Variants in RAB40A observed in about 807,000 individuals in gnomAD.
The protein encoded by RAB40A is ras-related protein Rab-40A.
For synonymous variants in RAB40A, 65 were observed against 99.9 expected, an observed-to-expected ratio of 0.65 and a Z score of 2.08; for missense variants, 145 against 230.2, an observed-to-expected ratio of 0.63 and a Z score of 2.40.
At chrX:103,517,970 C>T (rs1321557151) in intron 1 of RAB40A, among the ~76,000 whole-genome samples, 1 of 111,892 alleles carries the variant, frequency 8.9e-6, no homozygotes, top group Non-Finnish European at 1.9e-5. Context: ...TGTCCCATAC[C>T]ATACCCACTG....
downstream of RAB40A, among the ~76,000 whole-genome samples, chrX:103,496,611 C>A (rs1569370993): frequency 8.9e-6 from 1 of 112,458 alleles, no homozygotes; most frequent in Non-Finnish European, 1.9e-5. Flanking sequence ...AGAAATAAAA[C>A]AATAAACAGA....
chrX:103,519,079 C>A (rs1603138868), intron 1 of RAB40A, among the ~76,000 whole-genome samples: 1 of 111,724 alleles, frequency 9.0e-6, no homozygotes, highest in Non-Finnish European at 1.9e-5. Flanking sequence ...CAATTAGACA[C>A]AATGAGCCCC....
At chrX:103,519,142 A>C (rs760687273) in intron 1 of RAB40A, among the ~76,000 whole-genome samples, 2 of 111,628 alleles carry the variant, frequency 1.8e-5, no homozygotes, top group Admixed American at 9.6e-5. Context: ...CTTCTGACCA[A>C]AACAAATCTA....
chrX:103,515,202 T>C (rs1165464279), intron 2 of RAB40A, among the ~76,000 whole-genome samples: 1 of 112,532 alleles, frequency 8.9e-6, no homozygotes, highest in African/African-American at 3.2e-5. Context: ...TACTCATCTT[T>C]ATGCTCTTTT....
Position 103,500,227 on chromosome X carries a change from C to A in RAB40A, c.530G>T (p.Arg177Leu). 3 of 1,211,052 alleles carry A rather than the reference C, an allele frequency of 2.5e-6. No homozygotes were observed. The highest frequency in any genetic ancestry group is 2.2e-6 in the Non-Finnish European group (2 of 894,983). Residue 177 changes from arginine (R) to leucine (L), a missense_variant, in exon 3 of 3, where the codon CGG becomes CTG. Arg to Leu is a moderately radical substitution (Grantham distance 102). Coordinates refer to ENST00000304236, the MANE Select transcript of RAB40A (RefSeq NM_080879.3). Reference protein sequence around the residue: ...FTELARIVLLRHRMNWLGRPS... With the variant: ...FTELARIVLLLHRMNWLGRPS... ...CCTCCCGAGCCAATTCATCCTGTGC[C>A]GCAGCAGCACTATCCTGGCCAGCTC...
At chrX:103,501,143 A>G (rs1444397994) in intron 2 of RAB40A, 6 of 169,096 alleles carry the variant, frequency 3.5e-5, no homozygotes, top group Middle Eastern at 2.3e-3. Context: ...TACTGTACGT[A>G]CCCTATGCTG....
chrX:103,498,293 G>A (rs1316149310), downstream of RAB40A, among the ~76,000 whole-genome samples: 2 of 112,169 alleles, frequency 1.8e-5, no homozygotes, highest in Non-Finnish European at 3.8e-5. Context: ...CTGCGGACTC[G>A]TTTCTAAAGC....
chrX:103,494,968 A>G (rs888435245), downstream of RAB40A, among the ~76,000 whole-genome samples: 1 of 111,931 alleles, frequency 8.9e-6, no homozygotes, highest in Non-Finnish European at 1.9e-5. Flanking sequence ...TGGTATTTTG[A>G]TAGGGATTGT....
chrX:103,509,313 C>CTCTCTCTCTCTG (rs2073274070), intron 2 of RAB40A, among the ~76,000 whole-genome samples: 1 of 99,372 alleles, frequency 1.0e-5, no homozygotes, highest in Non-Finnish European at 1.9e-5. Context: ...CTCTCTCTCT[C>CTCTCTCTCTCTG]TCTCTCTGTC....
In RAB40A at chrX:103,500,703, C is replaced by T. The variant is rs758514397; in HGVS notation, c.54G>A (p.Leu18=). Residue 18 remains leucine (L), a synonymous_variant, in exon 3 of 3, where the codon CTG becomes CTA. Transcript: ENST00000304236. ...TGCCTACGTCCCTGTCGCCCACCAG[C>T]AGGAACTTGAGCAGGAAGTCATAGG... ...DQAYDFLLKF[L]LVGDRDVGKS... 10 of 1,209,278 alleles carry T rather than the reference C, an allele frequency of 8.3e-6. No homozygotes were observed. The highest frequency in any genetic ancestry group is 1.1e-5 in the Non-Finnish European group (10 of 895,039).
intron 2 of RAB40A, among the ~76,000 whole-genome samples, chrX:103,512,780 T>A (rs2073297438): frequency 8.9e-6 from 1 of 111,907 alleles, no homozygotes; most frequent in South Asian, 3.7e-4. Context: ...TACATTTGCA[T>A]AATATAACTT....
At chrX:103,504,301 C>G (rs1358404041) in intron 2 of RAB40A, among the ~76,000 whole-genome samples, 1 of 110,861 alleles carries the variant, frequency 9.0e-6, no homozygotes, top group Non-Finnish European at 1.9e-5. Context: ...TGTAACAAAC[C>G]TGCACATGTA....
downstream of RAB40A, among the ~76,000 whole-genome samples, chrX:103,496,006 A>G (rs750804051): frequency 8.9e-6 from 1 of 112,021 alleles, no homozygotes; most frequent in Non-Finnish European, 1.9e-5. Context: ...CCTTTTTATC[A>G]CACCATATAT....
In RAB40A at chrX:103,515,647, T is replaced by C. The variant is rs1254770103; in HGVS notation, c.-71+1727A>G. Reference sequence around the variant, plus strand: ...AGTGTAACTCACTACCATACCATCATACAATAGAAAAGAGTGAGTACTCAT... The same window carrying C: ...AGTGTAACTCACTACCATACCATCACACAATAGAAAAGAGTGAGTACTCAT... On this transcript the variant is annotated intron_variant, in intron 2 of 2. Transcript: ENST00000304236. 2.7e-5 allele frequency among the ~76,000 whole-genome samples: 3 copies of C among 112,223 alleles called. No individual in the cohort carries two copies. In the Admixed American group the frequency reaches 2.8e-4, roughly 11 times the overall value.
chrX:103,514,107 G>A (rs950770138), intron 2 of RAB40A, among the ~76,000 whole-genome samples: 1 of 111,563 alleles, frequency 9.0e-6, no homozygotes, highest in African/African-American at 3.3e-5. Flanking sequence ...CATGTAAAGA[G>A]GCATATATGG....
At chrX:103,507,595 A>AAT (rs2073263040) in intron 2 of RAB40A, among the ~76,000 whole-genome samples, 1 of 112,068 alleles carries the variant, frequency 8.9e-6, no homozygotes, top group African/African-American at 3.3e-5. Context: ...ACTGAAAAAA[A>AAT]ACCCTTAAGT....
the RAB40A span, among the ~76,000 whole-genome samples, chrX:103,493,498 G>C: frequency 1.8e-5 from 2 of 111,074 alleles, no homozygotes; most frequent in Non-Finnish European, 3.8e-5. Context: ...TTGTCCCCCT[G>C]TTGTGCTACC....
At chrX:103,507,933 C>A (rs991656268) in intron 2 of RAB40A, among the ~76,000 whole-genome samples, 2 of 111,373 alleles carry the variant, frequency 1.8e-5, no homozygotes, top group Non-Finnish European at 1.9e-5. Flanking sequence ...TAGAATAGTA[C>A]ACACTCAGGT....
Position 103,500,106 on chromosome X carries a change from G to A in RAB40A, c.651C>T (p.Thr217=). The A allele has an allele frequency of 8.3e-7, 1 of 1,212,116 alleles. No homozygotes were observed. Among genetic ancestry groups the A allele is most frequent in the South Asian group, 1.8e-5 (1 of 57,019 alleles). Residue 217 remains threonine, a synonymous_variant, in exon 3 of 3, where the codon ACC becomes ACT. Coordinates refer to ENST00000304236, the MANE Select transcript of RAB40A (RefSeq NM_080879.3). The part of the protein sequence containing the change: ...HLVDKLPLPS[T]LRSHLKSFSM... ...AGAAGGACTTGAGGTGGCTTCTTAA[G>A]GTACTGGGGAGCGGGAGCTTGTCCA...
Sources: gnomAD v4.1 joint callset for allele counts (sites outside exome capture counted in the v4.1 genomes callset) on GRCh38, gnomAD v4.1.1 for gene constraint, MANE v1.5 for transcripts, NCBI Gene and HGNC (gene_info 2026-07-23, HGNC 2026-07-21) for gene names.